PCDHA13: variants seen among roughly 807,000 people sequenced by gnomAD.
PCDHA13 encodes the protein protocadherin alpha-13.
A neutral mutation model predicts 64.8 loss-of-function variants in PCDHA13; 54 were observed. The ratio of observed to expected loss-of-function variants is 0.83; its 90% confidence interval spans 0.67 to 1.04. The LOEUF is 1.04. Ranked by LOEUF, PCDHA13 falls within the 50% of genes least tolerant of loss-of-function variation. The pLI, the probability that PCDHA13 is intolerant of heterozygous loss-of-function variation, is 0.00. For missense variants in PCDHA13, 1,248 were observed against 1,254.3 expected, an observed-to-expected ratio of 0.99 and a Z score of 0.08; for synonymous variants, 587 against 564.4, an observed-to-expected ratio of 1.04 and a Z score of -0.57.
At chr5:140,949,682 A>T (rs1229666281) in intron 1 of PCDHA13, among the ~76,000 whole-genome samples, 3 of 151,768 alleles carry the variant, frequency 2.0e-5, no homozygotes, top group Non-Finnish European at 4.4e-5. Context: ...CCCTTGTTGA[A>T]GCGTATTGTT....
intron 1 of PCDHA13, among the ~76,000 whole-genome samples, chr5:140,887,136 G>A (rs1460345753): frequency 2.2e-4 from 33 of 148,834 alleles, no homozygotes; most frequent in Middle Eastern, 3.2e-3. Context: ...TCACTCTGTC[G>A]CCCAGGCTGG....
chr5:140,914,769 T>C (rs2076832006), intron 1 of PCDHA13, among the ~76,000 whole-genome samples: 1 of 152,160 alleles, frequency 6.6e-6, no homozygotes, highest in South Asian at 2.1e-4. Flanking sequence ...ATGAGGTTTA[T>C]GACTTATCTT....
Position 140,953,939 on chromosome 5 carries a change from A to G in PCDHA13, c.2395-25010A>G, listed in dbSNP as rs544318515. ...TATTCTTCCTGATGCTCTCCCTCCCATTGCTCCCCCAACAGGCCCCAGTGT... is the reference window on the plus strand; with the variant it reads ...TATTCTTCCTGATGCTCTCCCTCCCGTTGCTCCCCCAACAGGCCCCAGTGT... On this transcript the variant is annotated intron_variant, in intron 1 of 3. Coordinates refer to ENST00000289272, the MANE Select transcript of PCDHA13 (RefSeq NM_018904.3). Among the ~76,000 whole-genome samples the G allele has an allele frequency of 2.8e-3, 420 of 151,700 alleles. 4 individuals carry two copies. The highest frequency in any genetic ancestry group is 4.8e-3 in the Non-Finnish European group (324 of 67,900).
intron 1 of PCDHA13, among the ~76,000 whole-genome samples, chr5:140,914,439 T>G (rs1352001626): frequency 6.6e-6 from 1 of 152,192 alleles, no homozygotes; most frequent in Admixed American, 6.6e-5. Flanking sequence ...TCTTTTCCCA[T>G]GTCTTTATTT....
At chr5:140,928,074 C>CT in intron 1 of PCDHA13, 1 of 1,614,216 alleles carries the variant, frequency 6.2e-7, no homozygotes, top group Non-Finnish European at 8.5e-7. Context: ...TTGACAACTA[C>CT]TACAGCCTGC....
chr5:140,957,709 A>T (rs1321290139), intron 1 of PCDHA13, among the ~76,000 whole-genome samples: 6 of 152,264 alleles, frequency 3.9e-5, no homozygotes, highest in Admixed American at 3.3e-4. Context: ...TGTAGTTTTT[A>T]TTAAGAAAGA....
intron 1 of PCDHA13, among the ~76,000 whole-genome samples, chr5:140,954,014 A>G (rs782347890): frequency 1.3e-5 from 2 of 152,038 alleles, no homozygotes; most frequent in African/African-American, 4.8e-5. Context: ...CAGCTCCCAC[A>G]CATAGTGGGA....
At chr5:140,899,443 G>A (rs1554188558) in intron 1 of PCDHA13, among the ~76,000 whole-genome samples, 4 of 152,210 alleles carry the variant, frequency 2.6e-5, no homozygotes, top group African/African-American at 9.7e-5. Context: ...CATCTATTGA[G>A]ATAATCATGT....
chr5:140,991,191 A>G (rs1316296536), intron 3 of PCDHA13, among the ~76,000 whole-genome samples: 2 of 152,218 alleles, frequency 1.3e-5, no homozygotes, highest in South Asian at 2.1e-4. Flanking sequence ...CTAGCACACA[A>G]TGATGCTCAA....
chr5:140,928,258 G>A lies in PCDHA13; in HGVS notation c.2394+43596G>A, dbSNP rs782503341. 15 of 1,614,094 alleles carry A rather than the reference G, an allele frequency of 9.3e-6. No individual in the cohort carries two copies. The Admixed American group carries it at 2.0e-4, about 22-fold the overall frequency. On this transcript the variant is annotated intron_variant, in intron 1 of 3. Transcript: ENST00000289272. The stretch of plus-strand genomic sequence containing the variant: ...ACCCCAGCAGGAACTTTTCGTTGCT[G>A]AAAACAATGGCCCTGGGGCCTCTCT...
intron 1 of PCDHA13, among the ~76,000 whole-genome samples, chr5:140,948,960 G>A (rs900113633): frequency 5.9e-5 from 9 of 151,550 alleles, no homozygotes; most frequent in Non-Finnish European, 1.2e-4. Context: ...TTAAAGCCAC[G>A]AATTTATTAG....
chr5:141,009,544 C>A (rs1236431515), intron 3 of PCDHA13, 83 bp from the exon 4 acceptor site: 1 of 1,534,390 alleles, frequency 6.5e-7, no homozygotes. Context: ...CCTGCCTATG[C>A]AGTACTCCTG....
intron 1 of PCDHA13, among the ~76,000 whole-genome samples, chr5:140,911,234 C>A (rs1554194655): frequency 6.6e-6 from 1 of 151,890 alleles, no homozygotes; most frequent in South Asian, 2.1e-4. Context: ...TTTCTTCTGG[C>A]AAAAAAAGTT....
intron 1 of PCDHA13, among the ~76,000 whole-genome samples, chr5:140,965,085 C>T (rs1439379437): frequency 6.6e-6 from 1 of 152,142 alleles, no homozygotes; most frequent in African/African-American, 2.4e-5. Context: ...TGACTTTGTT[C>T]CAGTCCATAG....
chr5:140,909,254 G>T (rs915513119), intron 1 of PCDHA13, among the ~76,000 whole-genome samples: 1 of 152,216 alleles, frequency 6.6e-6, no homozygotes, highest in Non-Finnish European at 1.5e-5. Context: ...TGCTGGCCTT[G>T]CTGACTGAAG....
chr5:140,888,583 G>C (rs2061886743), intron 1 of PCDHA13, among the ~76,000 whole-genome samples: 1 of 152,184 alleles, frequency 6.6e-6, no homozygotes, highest in African/African-American at 2.4e-5. Flanking sequence ...AGATTTGTTA[G>C]TACACATTCA....
chr5:140,891,226 C>T (rs1417836006), intron 1 of PCDHA13, among the ~76,000 whole-genome samples: 1 of 152,026 alleles, frequency 6.6e-6, no homozygotes, highest in Admixed American at 6.6e-5. Flanking sequence ...TTATAATCAT[C>T]CTGTTCTGGA....
chr5:140,952,371 C>T (rs186648472), intron 1 of PCDHA13, among the ~76,000 whole-genome samples: 1 of 151,860 alleles, frequency 6.6e-6, no homozygotes, highest in African/African-American at 2.4e-5. Flanking sequence ...AAGAAATTTC[C>T]TCTGCCAGGT....
At chr5:140,928,634 C>G in intron 1 of PCDHA13, 1 of 1,614,216 alleles carries the variant, frequency 6.2e-7, no homozygotes, top group Non-Finnish European at 8.5e-7. Flanking sequence ...CACTTGGTCA[C>G]AAAAGTGGTA....
Sources: allele counts gnomAD v4.1 joint callset (sites outside exome capture counted in the v4.1 genomes callset), GRCh38; gene constraint gnomAD v4.1.1; transcripts MANE v1.5; gene names NCBI Gene and HGNC (gene_info 2026-07-23, HGNC 2026-07-21).